SCRN1: variants seen among roughly 807,000 people sequenced by gnomAD.
SCRN1 encodes secernin 1.
A neutral mutation model predicts 43.3 loss-of-function variants in SCRN1; 19 were observed. The ratio of observed to expected loss-of-function variants is 0.44; its 90% CI spans 0.31 to 0.64. The LOEUF (loss-of-function observed/expected upper bound fraction) is 0.64, where lower values mean the gene tolerates loss of function less well. SCRN1 is among the 30% of genes least tolerant of loss of function. The pLI is 0.09. For missense variants in SCRN1, 447 were observed against 524.1 expected, an observed-to-expected ratio of 0.85 and a Z score of 1.44; for synonymous variants, 183 against 188.9, an observed-to-expected ratio of 0.97 and a Z score of 0.26.
At chr7:29,937,419 C>A (rs1787377154) in intron 5 of SCRN1, among the ~76,000 whole-genome samples, 1 of 152,204 alleles carries the variant, frequency 6.6e-6, no homozygotes. Flanking sequence ...GCCGTATATA[C>A]CTGAACTATA....
chr7:29,938,878 T>C (rs1787433522), intron 5 of SCRN1, among the ~76,000 whole-genome samples: 1 of 152,172 alleles, frequency 6.6e-6, no homozygotes, highest in Non-Finnish European at 1.5e-5. Context: ...GTGTCTTTCA[T>C]TCCTCTAGCG....
intron 5 of SCRN1, among the ~76,000 whole-genome samples, chr7:29,938,121 C>T (rs1284340273): frequency 6.6e-6 from 1 of 152,122 alleles, no homozygotes; most frequent in Non-Finnish European, 1.5e-5. Flanking sequence ...CTCCGCCTCC[C>T]AGATTCAAGT....
chr7:29,931,975 C>G (rs1182318262), intron 6 of SCRN1, among the ~76,000 whole-genome samples: 1 of 152,042 alleles, frequency 6.6e-6, no homozygotes, highest in Non-Finnish European at 1.5e-5. Flanking sequence ...TATGTACCCA[C>G]AAAAATTAAA....
chr7:29,954,599 A>G (rs961689671), intron 3 of SCRN1, among the ~76,000 whole-genome samples: 4 of 152,186 alleles, frequency 2.6e-5, no homozygotes, highest in African/African-American at 4.8e-5. Flanking sequence ...TAGAATCACA[A>G]TATGTGACCT....
At chr7:29,944,677 AAAAGAAAG>A (rs1554356502) in intron 3 of SCRN1, among the ~76,000 whole-genome samples, 2 of 150,672 alleles carry the variant, frequency 1.3e-5, no homozygotes, top group Non-Finnish European at 1.5e-5. Flanking sequence ...AAAAAAAAAA[AAAAGAAAG>A]AAAGAAAGAA....
At position 29,923,809 on chromosome 7, in the gene SCRN1, G is replaced by T; in HGVS notation, c.*148C>A. ...AGGGGACGCTGTGAGATTCAAGGTG[G>T]AACACAAGGTAACAGTTTGATCTGG... On this transcript the variant is annotated 3_prime_UTR_variant, in exon 8 of 8. Coordinates refer to ENST00000242059, the MANE Select transcript of SCRN1 (RefSeq NM_014766.5). 1.2e-6 allele frequency: 1 copy of T among 831,396 alleles called. No homozygotes were observed. Among genetic ancestry groups the T allele is most frequent in the Non-Finnish European group, 1.9e-6 (1 of 522,354 alleles). 51.5% of individuals were successfully genotyped at this position (831,396 alleles called of 1,614,324 possible).
intron 2 of SCRN1, 24 bp downstream of exon 2, chr7:29,968,885 G>A (rs967494786): frequency 1.8e-5 from 29 of 1,613,246 alleles, no homozygotes; most frequent in African/African-American, 1.7e-4. Context: ...AGTGTGACTC[G>A]CGAGACTGCA....
chr7:29,985,615 G>A (rs1325317816), intron 1 of SCRN1, among the ~76,000 whole-genome samples: 4 of 151,958 alleles, frequency 2.6e-5, no homozygotes, highest in Non-Finnish European at 5.9e-5. Context: ...ACTTTCCAAT[G>A]CACTGTGCAG....
At chr7:29,948,771 G>A (rs1198646124) in intron 3 of SCRN1, among the ~76,000 whole-genome samples, 2 of 152,242 alleles carry the variant, frequency 1.3e-5, no homozygotes, top group African/African-American at 4.8e-5. Flanking sequence ...CCAGCTTGGA[G>A]AGCAGATGGT....
intron 1 of SCRN1, among the ~76,000 whole-genome samples, chr7:29,973,731 A>G (rs1788730759): frequency 6.6e-6 from 1 of 152,254 alleles, no homozygotes; most frequent in Non-Finnish European, 1.5e-5. Flanking sequence ...GGAAACCACA[A>G]AGCAGACAGA....
Position 29,922,367 on chromosome 7 carries a change from T to G in SCRN1, c.*1590A>C, listed in dbSNP as rs373897344. ...CTCTGATCCTCACTGTTCACATCCA[T>G]GTAACAGGGCTCGGTCCCCTCAAAA... is the stretch of plus-strand genomic sequence containing the variant. On this transcript the variant is annotated 3_prime_UTR_variant, in exon 8 of 8. Coordinates refer to ENST00000242059, the MANE Select transcript of SCRN1 (RefSeq NM_014766.5). 2 of 152,192 alleles carry G rather than the reference T, an allele frequency of 1.3e-5. No individual in the cohort carries two copies. The highest frequency in any genetic ancestry group is 4.8e-5 in the African/African-American group (2 of 41,448). The allele number at this position is 152,192 out of a possible 1,614,324, so 9.4% of individuals were successfully genotyped here.
chr7:29,964,129 T>A, intron 2 of SCRN1, among the ~76,000 whole-genome samples: 1 of 152,208 alleles, frequency 6.6e-6, no homozygotes, highest in East Asian at 1.9e-4. Context: ...AAATATATGA[T>A]TACCTATTCA....
chr7:29,938,107 C>T (rs922525654), intron 5 of SCRN1, among the ~76,000 whole-genome samples: 1 of 152,116 alleles, frequency 6.6e-6, no homozygotes, highest in African/African-American at 2.4e-5. Flanking sequence ...TGGCTCACTG[C>T]ATCCTCCGCC....
chr7:29,935,441 T>A (rs939109267), intron 6 of SCRN1, among the ~76,000 whole-genome samples: 1 of 152,162 alleles, frequency 6.6e-6, no homozygotes, highest in Non-Finnish European at 1.5e-5. Context: ...AGATTCAAAG[T>A]TTAACAAGCT....
intron 1 of SCRN1, among the ~76,000 whole-genome samples, chr7:29,983,648 C>T (rs942199170): frequency 3.9e-5 from 6 of 152,036 alleles, no homozygotes; most frequent in Admixed American, 3.9e-4. Flanking sequence ...ATCTTGAGGT[C>T]CATCTGCAAA....
At chr7:29,968,812 C>T (rs887901412) in intron 2 of SCRN1, 97 bp downstream of exon 2, 1 of 1,464,984 alleles carries the variant, frequency 6.8e-7, no homozygotes, top group Admixed American at 1.7e-5. Context: ...ATAGCTCTGA[C>T]TTGTGAGCAA....
intron 6 of SCRN1, among the ~76,000 whole-genome samples, chr7:29,932,169 T>C (rs1488873547): frequency 1.3e-5 from 2 of 151,986 alleles, no homozygotes; most frequent in African/African-American, 2.4e-5. Flanking sequence ...ACAGCTGGTG[T>C]TGGAAGAATT....
chr7:29,945,433 C>T (rs1320524511), intron 3 of SCRN1, among the ~76,000 whole-genome samples: 1 of 152,226 alleles, frequency 6.6e-6, no homozygotes, highest in African/African-American at 2.4e-5. Flanking sequence ...TTTTCTCTTG[C>T]ACAGTACTGC....
chr7:29,947,136 A>T, intron 3 of SCRN1: 1 of 1,520,758 alleles, frequency 6.6e-7, no homozygotes, highest in Non-Finnish European at 8.8e-7. Context: ...CCACTGTAAC[A>T]TCTATCTTCT....
Sources: gnomAD v4.1 joint callset for allele counts (sites outside exome capture counted in the v4.1 genomes callset) on GRCh38, gnomAD v4.1.1 for gene constraint, MANE v1.5 for transcripts, NCBI Gene and HGNC (gene_info 2026-07-23, HGNC 2026-07-21) for gene names.